The following BRD7 variants were observed in gnomAD, a reference collection of about 807,000 sequenced individuals.
BRD7 encodes bromodomain-containing protein 7.
Under a neutral mutation model 82.1 loss-of-function variants are expected in BRD7, and 15 were observed. That is an observed-to-expected ratio of 0.18 (90% CI 0.12 to 0.28). The LOEUF (loss-of-function observed/expected upper bound fraction) is 0.28. BRD7 is among the 10% of genes least tolerant of loss of function. The pLI is 1.00. For missense variants in BRD7, 638 were observed against 779.9 expected, an observed-to-expected ratio of 0.82 and a Z score of 2.17; for synonymous variants, 232 against 266.9, an observed-to-expected ratio of 0.87 and a Z score of 1.27.
chr16:50,339,221 C>T (rs1310386345), intron 6 of BRD7, among the ~76,000 whole-genome samples: 1 of 152,208 alleles, frequency 6.6e-6, no homozygotes, highest in Non-Finnish European at 1.5e-5. Context: ...GGTTTTGAGA[C>T]AGTTTCAAAT....
intron 4 of BRD7, among the ~76,000 whole-genome samples, chr16:50,351,728 T>C (rs970459370): frequency 6.6e-6 from 1 of 152,204 alleles, no homozygotes; most frequent in Non-Finnish European, 1.5e-5. Context: ...TAAGACTTTG[T>C]TTCTAATTGA....
intron 8 of BRD7, among the ~76,000 whole-genome samples, chr16:50,331,281 ACAT>A (rs1428408803): frequency 6.6e-6 from 1 of 152,250 alleles, no homozygotes; most frequent in African/African-American, 2.4e-5. Flanking sequence ...CAAATTCCCA[ACAT>A]CATTCTTCAC....
intron 1 of BRD7, 185 bp from the exon 2 acceptor site, chr16:50,368,483 C>T: frequency 1.3e-6 from 1 of 772,266 alleles, no homozygotes; most frequent in Non-Finnish European, 2.0e-6. Context: ...CCCGAACGCT[C>T]CCAGGCCTCC....
In BRD7 at chr16:50,354,418, C is replaced by T. The variant is rs2038654576; in HGVS notation, c.446+7G>A. 6.2e-7 allele frequency: 1 copy of T among 1,607,796 alleles called. No homozygotes were observed. Among genetic ancestry groups the T allele is most frequent in the South Asian group, 1.1e-5 (1 of 90,560 alleles). Reference sequence around the variant, plus strand: ...CTATGTTATAAAAATATTGGAAAAACATTTACCTCTGCAATTGTCTCATCA... The same window carrying T: ...CTATGTTATAAAAATATTGGAAAAATATTTACCTCTGCAATTGTCTCATCA... On this transcript the variant is annotated splice_region_variant and intron_variant, in intron 4 of 16. Transcript: ENST00000394688.
intron 5 of BRD7, among the ~76,000 whole-genome samples, chr16:50,344,716 G>A (rs1435803501): frequency 6.6e-6 from 1 of 152,100 alleles, no homozygotes; most frequent in East Asian, 1.9e-4. Context: ...AAGTTTAGAG[G>A]AAAAGGAGTG....
chr16:50,360,036 CT>C (rs1357100719), intron 2 of BRD7, among the ~76,000 whole-genome samples: 1 of 152,198 alleles, frequency 6.6e-6, no homozygotes, highest in Non-Finnish European at 1.5e-5. Flanking sequence ...TTTTATTAAT[CT>C]GTGTGTAATG....
At chr16:50,332,047 C>A (rs113394206) in intron 8 of BRD7, among the ~76,000 whole-genome samples, 2 of 152,106 alleles carry the variant, frequency 1.3e-5, no homozygotes, top group African/African-American at 2.4e-5. Context: ...TAGAATAAAA[C>A]CTTGGAAATA....
At position 50,354,824 on chromosome 16, in the gene BRD7, C is replaced by A. The variant is rs1421547287; in HGVS notation, c.357G>T (p.Lys119Asn). Residue 119 changes from lysine (K) to asparagine (N), a missense_variant, in exon 3 of 17, where the codon AAG becomes AAT. Around this residue, in one of 3 missense-constraint regions of BRD7, gnomAD observed 172 missense variants for 155.3 expected, o/e 1.11. Transcript: ENST00000394688. ...APVRLDLPPE[K>N]PLTSSLAKQE... The stretch of plus-strand genomic sequence containing the variant: ...GTTTGGCTAAAGAGCTTGTGAGAGG[C>A]TTCTCAGGAGGCAAGTCTAATCTCA... The A allele has an allele frequency of 1.2e-6, 2 of 1,612,340 alleles. No homozygotes were observed. Among genetic ancestry groups the A allele is most frequent in the Middle Eastern group, 2.1e-4 (1 of 4,736 alleles).
intron 12 of BRD7, among the ~76,000 whole-genome samples, chr16:50,323,000 G>A (rs1161466595): frequency 6.6e-6 from 1 of 152,132 alleles, no homozygotes; most frequent in East Asian, 1.9e-4. Flanking sequence ...ACCTCCAAAA[G>A]ACACAGGGTT....
At chr16:50,332,253 C>T (rs200887080) in intron 8 of BRD7, among the ~76,000 whole-genome samples, 1 of 119,774 alleles carries the variant, frequency 8.3e-6, no homozygotes, top group Admixed American at 7.5e-5. Flanking sequence ...AAAGGACTAA[C>T]TACGCATCCA....
intron 14 of BRD7, 51 bp from the exon 15 acceptor site, chr16:50,320,442 C>A (rs757871384): frequency 6.3e-7 from 1 of 1,591,230 alleles, no homozygotes; most frequent in Admixed American, 1.7e-5. Flanking sequence ...TGCAGTAAAC[C>A]GAATCCTAGG....
At chr16:50,322,157 G>T in intron 12 of BRD7, 119 bp from the exon 13 acceptor site, 3 of 750,644 alleles carry the variant, frequency 4.0e-6, no homozygotes, top group South Asian at 1.9e-5. Flanking sequence ...TGGACTACTG[G>T]AATATAATTT....
chr16:50,319,003 G>T lies in BRD7; in HGVS notation c.*208C>A. The T allele has an allele frequency of 1.9e-6, 1 of 534,900 alleles. No homozygotes were observed. Among genetic ancestry groups the T allele is most frequent in the Non-Finnish European group, 3.4e-6 (1 of 297,728 alleles). 33.1% of individuals were successfully genotyped at this position (534,900 alleles called of 1,614,324 possible). On this transcript the variant is annotated 3_prime_UTR_variant, in exon 17 of 17. Transcript: ENST00000394688. ...TTTTGAAAGAATGCTGCACAGGTAT[G>T]GCAACAGCCCCAAGCACATTCCTTC...
Position 50,354,916 on chromosome 16 carries a change from T to C in BRD7, c.265A>G (p.Lys89Glu), listed in dbSNP as rs778058504. Residue 89 changes from lysine (K) to glutamate (E), a missense_variant, in exon 3 of 17, where the codon AAA becomes GAA. By Grantham distance (56) the Lys-to-Glu change is moderately conservative (BLOSUM62 1). Around this residue, in one of 3 missense-constraint regions of BRD7, gnomAD observed 172 missense variants for 155.3 expected, o/e 1.11. Coordinates refer to ENST00000394688, the MANE Select transcript of BRD7 (RefSeq NM_013263.5). Reference sequence around the variant, plus strand: ...ACCCGGTCTCGATCTCGCTTCTTTTTATCCTCCTAAATGGAACAAAGGGAG... The same window carrying C: ...ACCCGGTCTCGATCTCGCTTCTTTTCATCCTCCTAAATGGAACAAAGGGAG... The part of the protein sequence containing the change: ...GRKRRRVKED[K>E]KKRDRDRVEN... 11 of 1,613,938 alleles carry C rather than the reference T, an allele frequency of 6.8e-6. No individual in the cohort carries two copies. Among genetic ancestry groups the C allele is most frequent in the Non-Finnish European group, 9.3e-6 (11 of 1,179,968 alleles).
intron 15 of BRD7, 83 bp from the exon 16 acceptor site, chr16:50,320,113 G>A (rs1186890833): frequency 4.6e-6 from 7 of 1,508,172 alleles, no homozygotes; most frequent in Non-Finnish European, 6.2e-6. Context: ...ATGTACACAT[G>A]CAAAGAAAAC....
At chr16:50,321,218 G>A (rs904943143) in intron 13 of BRD7, among the ~76,000 whole-genome samples, 48 of 152,026 alleles carry the variant, frequency 3.2e-4, no homozygotes, top group African/African-American at 1.1e-3. Flanking sequence ...TCTTCTCCAG[G>A]CCTCCAAACT....
rs2036852699 is a variant in BRD7 at position 50,317,406 on chromosome 16, C to CAAGT, written c.*1801_*1804dup. ...GGCTGCCCGGCGGGGGCTCTCCTGG[C>CAAGT]AAGTCAGGAAGGTTTCTGTTGCTAA... is the stretch of plus-strand genomic sequence containing the variant. On this transcript the variant is annotated 3_prime_UTR_variant, in exon 17 of 17. Coordinates refer to ENST00000394688, the MANE Select transcript of BRD7 (RefSeq NM_013263.5). 6.6e-6 allele frequency: 1 copy of CAAGT among 151,636 alleles called. No homozygotes were observed. Among genetic ancestry groups the CAAGT allele is most frequent in the Non-Finnish European group, 1.5e-5 (1 of 67,652 alleles). 9.4% of individuals were successfully genotyped at this position (151,636 alleles called of 1,614,324 possible).
At chr16:50,344,696 G>C (rs112332444) in intron 5 of BRD7, among the ~76,000 whole-genome samples, 35 of 152,200 alleles carry the variant, frequency 2.3e-4, no homozygotes, top group African/African-American at 5.1e-4. Flanking sequence ...ATGAAATGAA[G>C]CAAAAAGAGA....
chr16:50,364,586 C>T (rs2039065775), intron 2 of BRD7, among the ~76,000 whole-genome samples: 1 of 152,068 alleles, frequency 6.6e-6, no homozygotes, highest in South Asian at 2.1e-4. Context: ...TTTTAGGTTG[C>T]AATGACATCA....
Sources: gnomAD v4.1 joint callset for allele counts (sites outside exome capture counted in the v4.1 genomes callset) on GRCh38, gnomAD v4.1.1 for gene constraint, gnomAD v4.1.1 regional missense constraint, MANE v1.5 for transcripts, NCBI Gene and HGNC (gene_info 2026-07-23, HGNC 2026-07-21) for gene names.